NFATC1: variants seen among roughly 807,000 people sequenced by gnomAD.
The protein encoded by NFATC1 is nuclear factor of activated T-cells, cytoplasmic 1.
Under a neutral mutation model 76.0 loss-of-function variants are expected in NFATC1, and 22 were observed. The ratio of observed to expected loss-of-function variants is 0.29; its 90% confidence interval spans 0.21 to 0.41. The LOEUF (loss-of-function observed/expected upper bound fraction) is 0.41, where lower values mean the gene tolerates loss of function less well. NFATC1 is among the 10% of genes least tolerant of loss of function. The pLI is 1.00. For missense variants in NFATC1, 1,357 were observed against 1,337.7 expected (o/e 1.01, Z -0.23); for synonymous variants, 704 against 613.1 (o/e 1.15, Z -2.19).
chr18:79,491,040 C>G (rs957084266), intron 9 of NFATC1, among the ~76,000 whole-genome samples: 52 of 151,622 alleles, frequency 3.4e-4, no homozygotes, highest in African/African-American at 1.2e-3. Flanking sequence ...GGAGAGGGAG[C>G]CCAGACCCCA....
chr18:79,428,693 A>G (rs931473953), intron 2 of NFATC1, among the ~76,000 whole-genome samples: 2 of 152,178 alleles, frequency 1.3e-5, no homozygotes, highest in Non-Finnish European at 2.9e-5. Context: ...CTTTTATAAA[A>G]AGGCCAGGTA....
At chr18:79,470,855 C>T (rs1471433960) in intron 8 of NFATC1, 6 of 152,280 alleles carry the variant, frequency 3.9e-5, no homozygotes, top group Non-Finnish European at 8.8e-5. Context: ...GGGGCTGACA[C>T]CTCTGGCTGA....
chr18:79,481,631 CCTT>C (rs1043934633), intron 8 of NFATC1, among the ~76,000 whole-genome samples: 1 of 152,250 alleles, frequency 6.6e-6, no homozygotes, highest in Non-Finnish European at 1.5e-5. Flanking sequence ...GGCCTGTGCA[CCTT>C]CTTCAGCCCG....
chr18:79,439,842 A>G (rs2086909196), intron 3 of NFATC1, among the ~76,000 whole-genome samples: 1 of 152,184 alleles, frequency 6.6e-6, no homozygotes. Context: ...TGCTGCTGGG[A>G]AGGTGTTCAC....
At chr18:79,401,332 T>A (rs887355482) in intron 1 of NFATC1, among the ~76,000 whole-genome samples, 5 of 152,124 alleles carry the variant, frequency 3.3e-5, no homozygotes, top group Admixed American at 2.6e-4. Context: ...AGGGTCATAT[T>A]TTCCGTATCG....
chr18:79,522,503 T>TTG lies in NFATC1; in HGVS notation c.2783-5020_2783-5019dup, dbSNP rs1216502263. Among the ~76,000 whole-genome samples, 4 of 84,326 alleles carry TTG rather than the reference T, an allele frequency of 4.7e-5. No individual in the cohort carries two copies. In the Admixed American group the frequency reaches 4.9e-4, roughly 10 times the overall value. 55.3% of individuals were successfully genotyped at this position (84,326 alleles called of 152,430 possible). A position where few individuals can be genotyped will look rare whatever the true frequency, so the allele number is the denominator to read the frequency against. Reference sequence around the variant, plus strand: ...TGTGGAGGGTATCTGCTGATGTGTTTTGTGTGGGGGGGGTGCGTCCACTGA... The same window carrying TTG: ...TGTGGAGGGTATCTGCTGATGTGTTTTGTGTGTGGGGGGGGTGCGTCCACTGA... On this transcript the variant is annotated intron_variant, in intron 9 of 9. Coordinates refer to ENST00000427363, the MANE Select transcript of NFATC1 (RefSeq NM_001278669.2).
intron 9 of NFATC1, among the ~76,000 whole-genome samples, chr18:79,487,727 C>G (rs73969682): frequency 6.6e-6 from 1 of 152,190 alleles, no homozygotes; most frequent in South Asian, 2.1e-4. Context: ...CTTGCAGTCG[C>G]GCTGTGATCG....
At chr18:79,419,746 C>T (rs7244366) in intron 2 of NFATC1, among the ~76,000 whole-genome samples, 12,089 of 152,244 alleles carry the variant, frequency 0.079, 676 homozygotes, top group Non-Finnish European at 0.11. Flanking sequence ...TTTGCTCCTG[C>T]GCCAACGTTG....
At chr18:79,449,045 C>T (rs373905659) in intron 4 of NFATC1, 61 bp downstream of exon 4, 15 of 1,558,278 alleles carry the variant, frequency 9.6e-6, no homozygotes, top group African/African-American at 9.5e-5. Flanking sequence ...GTGCCTCCCT[C>T]CCAGTCCCGG....
intron 2 of NFATC1, among the ~76,000 whole-genome samples, chr18:79,427,478 C>G (rs1359392725): frequency 6.0e-5 from 1 of 16,766 alleles, no homozygotes; most frequent in Non-Finnish European, 1.1e-4. Context: ...GGGGCTGTAC[C>G]ACTGGCCTCT....
At chr18:79,495,544 G>C (rs573590738) in intron 9 of NFATC1, among the ~76,000 whole-genome samples, 1 of 152,340 alleles carries the variant, frequency 6.6e-6, no homozygotes, top group African/African-American at 2.4e-5. Context: ...ACATAGGGAC[G>C]AGGTGGAAGG....
chr18:79,411,296 G>C lies in NFATC1; in HGVS notation c.1021G>C (p.Glu341Gln). Reference sequence around the variant, plus strand: ...TGTCAAGTCCCGCAAGACCACCCTGGAGCAGCCGCCCTCAGTGGCGCTCAA... The same window carrying C: ...TGTCAAGTCCCGCAAGACCACCCTGCAGCAGCCGCCCTCAGTGGCGCTCAA... ...VPVKSRKTTL[E>Q]QPPSVALKVE... The change falls in exon 2 of 10, where the codon GAG (glutamate) becomes CAG (glutamine). Residue 341 changes from glutamate to glutamine, a missense_variant. Physicochemically the swap from Glu to Gln is conservative, Grantham distance 29. This residue lies in a region of NFATC1 where 691 missense variants were observed against 613.1 expected (regional missense o/e 1.13). Transcript: ENST00000427363. 6.2e-7 allele frequency: 1 copy of C among 1,603,762 alleles called. No individual in the cohort carries two copies. Among genetic ancestry groups the C allele is most frequent in the Non-Finnish European group, 8.5e-7 (1 of 1,179,000 alleles).
chr18:79,490,100 C>T (rs1233249528), intron 9 of NFATC1, among the ~76,000 whole-genome samples: 1 of 152,192 alleles, frequency 6.6e-6, no homozygotes, highest in Non-Finnish European at 1.5e-5. Context: ...CCCCCCGCCC[C>T]CGCCCCCCCG....
At chr18:79,403,040 A>G (rs2085319969) in intron 1 of NFATC1, among the ~76,000 whole-genome samples, 1 of 152,280 alleles carries the variant, frequency 6.6e-6, no homozygotes, top group Admixed American at 6.5e-5. Context: ...CCCAGGAGGC[A>G]GTCTGTCAGC....
chr18:79,401,432 C>T (rs1399749058), intron 1 of NFATC1, among the ~76,000 whole-genome samples: 1 of 152,120 alleles, frequency 6.6e-6, no homozygotes, highest in Non-Finnish European at 1.5e-5. Context: ...CGGTTCTCGA[C>T]TCACCACTCC....
At chr18:79,396,761 C>A (rs2085019275) in intron 1 of NFATC1, among the ~76,000 whole-genome samples, 2 of 152,034 alleles carry the variant, frequency 1.3e-5, no homozygotes, top group South Asian at 2.1e-4. Context: ...GGCAGAGCCA[C>A]CCTCTGGCGC....
Position 79,486,770 on chromosome 18 carries a change from C to T in NFATC1, c.2615C>T (p.Thr872Met), listed in dbSNP as rs1285887246. 8 of 1,606,854 alleles carry T rather than the reference C, an allele frequency of 5.0e-6. No homozygotes were observed. Among genetic ancestry groups the T allele is most frequent in the African/African-American group, 2.7e-5 (2 of 74,808 alleles). The change falls in exon 9 of 10, where the codon ACG becomes ATG. Residue 872 changes from threonine (T) to methionine (M), a missense_variant. By Grantham distance (81) the Thr-to-Met change is moderately conservative (BLOSUM62 -1). Transcript: ENST00000427363. ...TGCAGCCCAGCGTGCCCGCCCGCCA[C>T]GGGCCGCCCGCAGCACCTGCCGTCC... is the stretch of plus-strand genomic sequence containing the variant. ...QPCSPACPPATGRPQHLPSTV... is the reference protein window; with the variant it reads ...QPCSPACPPAMGRPQHLPSTV...
intron 9 of NFATC1, among the ~76,000 whole-genome samples, chr18:79,520,534 G>GC (rs935170279): frequency 1.1e-4 from 16 of 150,404 alleles, no homozygotes; most frequent in African/African-American, 3.9e-4. Flanking sequence ...CTGTGTGTGG[G>GC]GGGGGGAGGG....
intron 8 of NFATC1, chr18:79,469,450 C>T (rs2088683596): frequency 2.0e-6 from 2 of 985,388 alleles, no homozygotes; most frequent in African/African-American, 3.5e-5. Flanking sequence ...GCCCCCAGGA[C>T]CGTGGCCACA....
Sources: gnomAD v4.1 joint callset for allele counts (sites outside exome capture counted in the v4.1 genomes callset) on GRCh38, gnomAD v4.1.1 for gene constraint, gnomAD v4.1.1 regional missense constraint, MANE v1.5 for transcripts, NCBI Gene and HGNC (gene_info 2026-07-23, HGNC 2026-07-21) for gene names.